Variants in PCP4 observed in about 807,000 individuals in gnomAD.
PCP4 encodes the protein Purkinje cell protein 4, also known as calmodulin regulator protein PCP4.
Under a neutral mutation model 10.0 loss-of-function variants are expected in PCP4, and 8 were observed. That is an observed-to-expected ratio of 0.80 (90% confidence interval 0.47 to 1.45). PCP4 has a LOEUF of 1.45. Ranked by LOEUF, PCP4 falls within the 40% of genes most tolerant of loss-of-function variation. The pLI is 0.00. For synonymous variants in PCP4, 21 were observed against 23.0 expected (o/e 0.91, Z 0.24); for missense variants, 54 against 74.4 (o/e 0.73, Z 1.01).
chr21:39,914,298 T>C (rs1184605846), intron 2 of PCP4, among the ~76,000 whole-genome samples: 1 of 152,130 alleles, frequency 6.6e-6, no homozygotes. Flanking sequence ...TCAAAATCTT[T>C]GGCCAGGCGT....
At chr21:39,893,565 C>A (rs1203610581) in intron 1 of PCP4, among the ~76,000 whole-genome samples, 3 of 152,242 alleles carry the variant, frequency 2.0e-5, no homozygotes, top group African/African-American at 7.2e-5. Context: ...CCTCCTGTGG[C>A]CCCTCCAGAG....
intron 2 of PCP4, among the ~76,000 whole-genome samples, chr21:39,920,048 GTGTGTGTGTAGGGTGTGTT>G (rs972224751): frequency 1.4e-5 from 1 of 70,048 alleles, no homozygotes; most frequent in African/African-American, 3.6e-5. Context: ...TATGTGTGGT[GTGTGTGTGTAGGGTGTGTT>G]TGTGTGTGTG....
At chr21:39,883,459 A>T (rs1011320344) in intron 1 of PCP4, 1 of 152,238 alleles carries the variant, frequency 6.6e-6, no homozygotes, top group African/African-American at 2.4e-5. Context: ...CTAGAAAAAA[A>T]TATGAGCTGT....
In PCP4 at chr21:39,878,528, C is replaced by G. The variant is rs897379611; in HGVS notation, c.9+11018C>G. Among the ~76,000 whole-genome samples the G allele has an allele frequency of 2.0e-5, 3 of 152,188 alleles. 1 individual carries two copies. The highest frequency in any genetic ancestry group is 1.3e-4 in the Admixed American group (2 of 15,282). On this transcript the variant is annotated intron_variant, in intron 1 of 2. Coordinates refer to ENST00000328619, the MANE Select transcript of PCP4 (RefSeq NM_006198.3). ...ATCCACATCAATGAATATTTGGGCT[C>G]TAGGGACTTGTTGCATCTTTCTTTA...
At chr21:39,903,277 A>G (rs1334464129) in intron 2 of PCP4, among the ~76,000 whole-genome samples, 1 of 152,222 alleles carries the variant, frequency 6.6e-6, no homozygotes, top group African/African-American at 2.4e-5. Flanking sequence ...CTCTTGACTT[A>G]GCGAGCTGTG....
intron 1 of PCP4, among the ~76,000 whole-genome samples, chr21:39,893,057 G>A (rs535867648): frequency 6.6e-6 from 1 of 152,120 alleles, no homozygotes; most frequent in Non-Finnish European, 1.5e-5. Context: ...ATCAGCATTT[G>A]GTTATACCTC....
chr21:39,878,288 G>A (rs532316841), intron 1 of PCP4, among the ~76,000 whole-genome samples: 1 of 152,270 alleles, frequency 6.6e-6, no homozygotes, highest in African/African-American at 2.4e-5. Flanking sequence ...CAAAGCAGCC[G>A]GGGCTTACAG....
At chr21:39,886,253 A>G (rs1386831560) in intron 1 of PCP4, among the ~76,000 whole-genome samples, 2 of 152,176 alleles carry the variant, frequency 1.3e-5, no homozygotes, top group South Asian at 4.1e-4. Flanking sequence ...AATGTCAAGG[A>G]CCATTCAGAA....
chr21:39,924,227 T>A (rs910524654), intron 2 of PCP4, among the ~76,000 whole-genome samples: 1 of 152,198 alleles, frequency 6.6e-6, no homozygotes, highest in South Asian at 2.1e-4. Flanking sequence ...CCATGCCCAG[T>A]ACAGTGTGGC....
intron 1 of PCP4, among the ~76,000 whole-genome samples, chr21:39,893,839 T>C (rs1250065598): frequency 6.6e-6 from 1 of 152,162 alleles, no homozygotes; most frequent in Non-Finnish European, 1.5e-5. Flanking sequence ...TCTCTGGAGA[T>C]AAAAATAGGG....
chr21:39,880,152 CTAT>C (rs1202702507), intron 1 of PCP4, among the ~76,000 whole-genome samples: 3 of 139,748 alleles, frequency 2.1e-5, no homozygotes, highest in Non-Finnish European at 4.4e-5. Context: ...ATATCTATAT[CTAT>C]ATCTATATCT....
chr21:39,905,096 G>C (rs2087500173), intron 2 of PCP4, among the ~76,000 whole-genome samples: 1 of 152,156 alleles, frequency 6.6e-6, no homozygotes, highest in South Asian at 2.1e-4. Context: ...CTGCCTAAAG[G>C]TCAGAATCCA....
chr21:39,898,147 C>CTGATCT (rs2089622205), intron 1 of PCP4, among the ~76,000 whole-genome samples: 1 of 151,746 alleles, frequency 6.6e-6, no homozygotes, highest in South Asian at 2.1e-4. Context: ...ATTAACAATG[C>CTGATCT]TGATCTTGTA....
intron 1 of PCP4, among the ~76,000 whole-genome samples, chr21:39,871,241 A>G (rs552068362): frequency 6.6e-6 from 1 of 152,376 alleles, no homozygotes; most frequent in African/African-American, 2.4e-5. Context: ...TGGGGCTTAC[A>G]TAGTTGACTC....
intron 2 of PCP4, among the ~76,000 whole-genome samples, chr21:39,903,694 C>T (rs897003386): frequency 6.6e-6 from 1 of 151,642 alleles, no homozygotes; most frequent in Non-Finnish European, 1.5e-5. Flanking sequence ...CGGTGAAACC[C>T]CGTCTCTACT....
rs73907623 is a variant in PCP4, at chr21:39,899,525, T to G, written c.61+998T>G. On this transcript the variant is annotated intron_variant, in intron 2 of 2. Transcript: ENST00000328619. Reference sequence around the variant, plus strand: ...CAAGACTCAAGTATGAGAATGTTGCTCTGCGTCTGCAGCCTGCCAATATGC... The same window carrying G: ...CAAGACTCAAGTATGAGAATGTTGCGCTGCGTCTGCAGCCTGCCAATATGC... Among the ~76,000 whole-genome samples the G allele has an allele frequency of 8.9e-4, 135 of 152,328 alleles. 1 individual carries two copies. Among genetic ancestry groups the G allele is most frequent in the African/African-American group, 3.1e-3 (128 of 41,576 alleles).
At chr21:39,867,988 A>G (rs144916297) in intron 1 of PCP4, among the ~76,000 whole-genome samples, 3 of 152,320 alleles carry the variant, frequency 2.0e-5, no homozygotes, top group Non-Finnish European at 4.4e-5. Flanking sequence ...TCTGCAGTTA[A>G]TCAGAGCACC....
chr21:39,892,656 C>A (rs1476517908), intron 1 of PCP4, among the ~76,000 whole-genome samples: 1 of 152,140 alleles, frequency 6.6e-6, no homozygotes, highest in East Asian at 1.9e-4. Context: ...GAAATAAATA[C>A]ATCATGGAGA....
chr21:39,888,220 T>C (rs889384287), intron 1 of PCP4, among the ~76,000 whole-genome samples: 1 of 152,212 alleles, frequency 6.6e-6, no homozygotes, highest in African/African-American at 2.4e-5. Context: ...CAAGCCACCA[T>C]GAGAACGAGA....
Sources: allele counts gnomAD v4.1 joint callset (sites outside exome capture counted in the v4.1 genomes callset), GRCh38; gene constraint gnomAD v4.1.1; transcripts MANE v1.5; gene names NCBI Gene and HGNC (gene_info 2026-07-23, HGNC 2026-07-21).